Variants in PACRG observed in about 807,000 individuals in gnomAD.
The protein encoded by PACRG is parkin coregulated, also known as parkin coregulated gene protein.
A neutral mutation model predicts 29.7 loss-of-function variants in PACRG; 29 were observed. The observed-to-expected ratio is 0.98, with a 90% CI of 0.73 to 1.33. The LOEUF (loss-of-function observed/expected upper bound fraction) is 1.33, where lower values mean the gene tolerates loss of function less well. Among genes scored for constraint, PACRG ranks in the 40% most tolerant of loss-of-function variants. PACRG has a pLI of 0.00. For missense variants in PACRG, 279 were observed against 316.2 expected (o/e 0.88, Z 0.89); for synonymous variants, 116 against 118.7 (o/e 0.98, Z 0.15).
At chr6:162,947,611 C>CATATATATATATATATATAATCATAT (rs1799280726) in intron 2 of PACRG, among the ~76,000 whole-genome samples, 2 of 27,988 alleles carry the variant, frequency 7.1e-5, no homozygotes, top group Admixed American at 5.5e-4. Flanking sequence ...TATATATAAT[C>CATATATATATATATATATAATCATAT]ATATATATAT....
intron 1 of PACRG, among the ~76,000 whole-genome samples, chr6:162,812,723 G>A (rs1258027598): frequency 1.3e-5 from 2 of 152,012 alleles, no homozygotes; most frequent in Non-Finnish European, 1.5e-5. Context: ...TTCTTTTTAT[G>A]TAGCCTCCAG....
In PACRG at chr6:163,060,889, G is replaced by A. The variant is rs562223812; in HGVS notation, c.292-1261G>A. 2.6e-5 allele frequency: 4 copies of A among 151,658 alleles called. No homozygotes were observed. The South Asian group carries it at 6.2e-4, about 24-fold the overall frequency. 9.4% of individuals were successfully genotyped at this position (151,658 alleles called of 1,614,324 possible). ...CCCACTAAGTGGTATTACAATTTTC[G>A]GTTACAAAATCAGAATATCACTTTT... On this transcript the variant is annotated intron_variant, in intron 2 of 4. Transcript: ENST00000366888.
rs200318304 is a variant in PACRG at position 163,274,863 on chromosome 6, T to TTC, written c.614-39963_614-39962insCT. On this transcript the variant is annotated intron_variant, in intron 4 of 4. Transcript: ENST00000366888. ...CTTTTTCTTTTCTTTCTTTCTTTCT[T>TTC]TTTTTTTTTTTTTTGAGATAGAGTC... Among the ~76,000 whole-genome samples, 1,163 of 144,102 alleles carry TTC rather than the reference T, an allele frequency of 8.1e-3. 17 individuals carry two copies. The highest frequency in any genetic ancestry group is 0.027 in the African/African-American group (1,054 of 39,126). 94.5% of individuals were successfully genotyped at this position (144,102 alleles called of 152,430 possible).
At chr6:163,238,891 A>G (rs1336980676) in intron 4 of PACRG, among the ~76,000 whole-genome samples, 1 of 152,108 alleles carries the variant, frequency 6.6e-6, no homozygotes, top group Non-Finnish European at 1.5e-5. Flanking sequence ...GAGTTAATCC[A>G]TCTCATGCTT....
rs551715772 is a variant in PACRG, at chr6:163,147,213, A to G, written c.613+57805A>G. Among the ~76,000 whole-genome samples, 5 of 152,362 alleles carry G rather than the reference A, an allele frequency of 3.3e-5. No individual in the cohort carries two copies. In the East Asian group the frequency reaches 9.6e-4, roughly 29 times the overall value. ...CACACAGTTCAATGTATATAATTAC[A>G]AAAATGTCTAAGACCCAAATTAAAG... On this transcript the variant is annotated intron_variant, in intron 4 of 4. Coordinates refer to ENST00000366888, the MANE Select transcript of PACRG (RefSeq NM_001080379.2).
intron 4 of PACRG, among the ~76,000 whole-genome samples, chr6:163,290,321 C>G (rs2128186799): frequency 1.4e-5 from 2 of 140,824 alleles, no homozygotes; most frequent in South Asian, 4.5e-4. Context: ...CACACACACA[C>G]ACAGCAATCA....
chr6:163,065,262 T>C (rs868251909), intron 3 of PACRG, among the ~76,000 whole-genome samples: 1 of 152,130 alleles, frequency 6.6e-6, no homozygotes, highest in African/African-American at 2.4e-5. Flanking sequence ...TGATGGAGCA[T>C]TGATTGCTGG....
intron 1 of PACRG, among the ~76,000 whole-genome samples, chr6:162,771,153 T>C (rs1783187547): frequency 6.6e-6 from 1 of 152,222 alleles, no homozygotes; most frequent in Admixed American, 6.5e-5. Context: ...ATTACCATTT[T>C]AGTTACTTTA....
intron 2 of PACRG, among the ~76,000 whole-genome samples, chr6:162,852,925 T>A (rs1438811259): frequency 6.6e-6 from 1 of 152,206 alleles, no homozygotes; most frequent in African/African-American, 2.4e-5. Context: ...AGAAACTGCC[T>A]GACTTACAAC....
intron 1 of PACRG, among the ~76,000 whole-genome samples, chr6:162,792,320 G>A (rs549157062): frequency 6.6e-6 from 1 of 152,252 alleles, no homozygotes; most frequent in South Asian, 2.1e-4. Context: ...GGAGTAAGGG[G>A]CAGGGAAGAG....
chr6:163,163,527 C>G (rs1043367185), intron 4 of PACRG, among the ~76,000 whole-genome samples: 6 of 152,196 alleles, frequency 3.9e-5, no homozygotes, highest in Non-Finnish European at 8.8e-5. Flanking sequence ...CTGCCTCGGC[C>G]TCACAAAGTG....
At chr6:163,001,313 C>T (rs11962255) in intron 2 of PACRG, among the ~76,000 whole-genome samples, 5,767 of 152,310 alleles carry the variant, frequency 0.038, 339 homozygotes, top group African/African-American at 0.12. Context: ...CTACTGGCCA[C>T]GGGGAGATCA....
At chr6:163,276,931 A>G (rs116152862) in intron 4 of PACRG, among the ~76,000 whole-genome samples, 1,700 of 152,340 alleles carry the variant, frequency 0.011, 34 homozygotes, top group African/African-American at 0.039. Context: ...ACTAAACAAC[A>G]GGTTCAAGTC....
chr6:163,130,826 G>A (rs1484005106), intron 4 of PACRG, among the ~76,000 whole-genome samples: 1 of 152,200 alleles, frequency 6.6e-6, no homozygotes. Flanking sequence ...TTAGGGAAAC[G>A]TTACTGGGCC....
intron 3 of PACRG, among the ~76,000 whole-genome samples, chr6:163,068,986 A>G (rs1041236589): frequency 9.9e-5 from 15 of 151,950 alleles, no homozygotes; most frequent in African/African-American, 3.1e-4. Flanking sequence ...GACTTTCTTT[A>G]TCCTGCTTAT....
chr6:163,101,077 C>A (rs1209133463), intron 4 of PACRG: 1 of 981,264 alleles, frequency 1.0e-6, no homozygotes, highest in African/African-American at 1.8e-5. Context: ...GGCGGTCATA[C>A]AATGAAATTA....
At chr6:162,975,769 T>C (rs200837819) in intron 2 of PACRG, among the ~76,000 whole-genome samples, 3 of 151,044 alleles carry the variant, frequency 2.0e-5, no homozygotes, top group East Asian at 2.0e-4. Context: ...GTCCTTCTTC[T>C]CTCCCTCCCT....
chr6:162,838,161 G>T (rs531594337), intron 2 of PACRG, among the ~76,000 whole-genome samples: 1 of 152,008 alleles, frequency 6.6e-6, no homozygotes, highest in South Asian at 2.1e-4. Flanking sequence ...ATTTTTTCAG[G>T]TATAGGAGTT....
intron 4 of PACRG, among the ~76,000 whole-genome samples, chr6:163,162,527 G>A (rs1024583475): frequency 1.3e-5 from 2 of 152,172 alleles, no homozygotes; most frequent in Admixed American, 6.5e-5. Flanking sequence ...TCCATCTGAT[G>A]CCACAAGAGA....
Sources: allele counts gnomAD v4.1 joint callset (sites outside exome capture counted in the v4.1 genomes callset), GRCh38; gene constraint gnomAD v4.1.1; transcripts MANE v1.5; gene names NCBI Gene and HGNC (gene_info 2026-07-23, HGNC 2026-07-21).